Variants in CHSY1 observed in about 807,000 individuals in gnomAD.
The protein encoded by CHSY1 is chondroitin sulfate synthase 1.
In CHSY1, 13 loss-of-function variants were observed where a neutral mutation model predicts 59.8. The observed-to-expected ratio is 0.22, with a 90% CI of 0.14 to 0.35. The LOEUF is 0.35. Ranked by LOEUF, CHSY1 falls within the 10% of genes least tolerant of loss-of-function variation. CHSY1 has a pLI of 1.00. For synonymous variants in CHSY1, 459 were observed against 401.2 expected (o/e 1.14, Z -1.72); for missense variants, 947 against 1,030.6 (o/e 0.92, Z 1.11).
At chr15:101,210,569 G>T (rs917443721) in intron 2 of CHSY1, among the ~76,000 whole-genome samples, 5 of 152,166 alleles carry the variant, frequency 3.3e-5, no homozygotes, top group African/African-American at 1.2e-4. Context: ...CTGCGAAATG[G>T]AGGAAAGTGG....
chr15:101,211,310 C>T (rs1416620619), intron 2 of CHSY1, among the ~76,000 whole-genome samples: 5 of 152,066 alleles, frequency 3.3e-5, no homozygotes, highest in Admixed American at 2.6e-4. Flanking sequence ...TGCGAAAGAG[C>T]GAGACTTAGT....
intron 1 of CHSY1, among the ~76,000 whole-genome samples, chr15:101,237,980 G>A (rs1350509139): frequency 2.0e-5 from 3 of 152,224 alleles, no homozygotes; most frequent in Non-Finnish European, 4.4e-5. Context: ...AAAGTCTTAG[G>A]AGAGAAATAT....
At chr15:101,237,234 A>C (rs2038953847) in intron 1 of CHSY1, among the ~76,000 whole-genome samples, 2 of 151,130 alleles carry the variant, frequency 1.3e-5, no homozygotes, top group Admixed American at 1.3e-4. Flanking sequence ...AAAAAAAAAA[A>C]AAAAAAAAAA....
chr15:101,233,322 G>A (rs114633129), intron 2 of CHSY1, among the ~76,000 whole-genome samples: 235 of 152,196 alleles, frequency 1.5e-3, no homozygotes, highest in Middle Eastern at 0.01. Flanking sequence ...ATAACAGCAC[G>A]ACCTAACTAA....
At chr15:101,204,806 G>A (rs1223764834) in intron 2 of CHSY1, among the ~76,000 whole-genome samples, 1 of 152,110 alleles carries the variant, frequency 6.6e-6, no homozygotes, top group Non-Finnish European at 1.5e-5. Context: ...TCAGGAGGCT[G>A]AGGCACAAGA....
At chr15:101,188,907 T>C (rs1158546395) in intron 2 of CHSY1, among the ~76,000 whole-genome samples, 1 of 152,032 alleles carries the variant, frequency 6.6e-6, no homozygotes, top group Non-Finnish European at 1.5e-5. Flanking sequence ...AAACATCTGA[T>C]CTGGGGCAAT....
chr15:101,181,293 T>C (rs146639371), intron 2 of CHSY1, among the ~76,000 whole-genome samples: 2 of 152,348 alleles, frequency 1.3e-5, no homozygotes, highest in East Asian at 3.9e-4. Context: ...TGCTGTGAGA[T>C]AAAAAGCTAG....
intron 2 of CHSY1, among the ~76,000 whole-genome samples, chr15:101,187,184 T>C (rs1281883203): frequency 1.3e-5 from 2 of 152,212 alleles, no homozygotes; most frequent in South Asian, 2.1e-4. Flanking sequence ...ATTTTTGTTA[T>C]AAAGAATATT....
rs1278661526 is a variant in CHSY1, at chr15:101,251,435, C to G, written c.22G>C (p.Ala8Pro). The G allele has an allele frequency of 5.2e-5, 56 of 1,074,500 alleles. No individual in the cohort carries two copies. Among genetic ancestry groups the G allele is most frequent in the Non-Finnish European group, 6.3e-5 (55 of 878,260 alleles). 66.6% of individuals were successfully genotyped at this position (1,074,500 alleles called of 1,614,324 possible). A position where few individuals can be genotyped will look rare whatever the true frequency, so the allele number is the denominator to read the frequency against. The change falls in exon 1 of 3, where the codon GCC becomes CCC. Residue 8 changes from alanine (A) to proline (P), a missense_variant. By Grantham distance (27) the Ala-to-Pro change is conservative. This residue lies in a region of CHSY1 where 232 missense variants were observed against 188.5 expected (regional missense o/e 1.23). Coordinates refer to ENST00000254190, the MANE Select transcript of CHSY1 (RefSeq NM_014918.5). The part of the protein sequence containing the change: MAARGRR[A>P]WLSVLLGLVL... ...AGCCCGAGCAGCACGCTGAGCCAGG[C>G]GCGCCGGCCGCGCGCGGCCATGCCC...
intron 2 of CHSY1, among the ~76,000 whole-genome samples, chr15:101,213,222 A>G (rs1201650442): frequency 6.6e-6 from 1 of 152,184 alleles, no homozygotes; most frequent in African/African-American, 2.4e-5. Context: ...TCTTGTAGGA[A>G]ACACACACAC....
intron 1 of CHSY1, among the ~76,000 whole-genome samples, chr15:101,247,246 G>A (rs989108842): frequency 1.1e-4 from 16 of 151,882 alleles, no homozygotes; most frequent in African/African-American, 2.7e-4. Context: ...TTTCCAAGCC[G>A]GTCCCTGCCT....
chr15:101,240,204 A>C (rs2038988632), intron 1 of CHSY1, among the ~76,000 whole-genome samples: 1 of 152,200 alleles, frequency 6.6e-6, no homozygotes, highest in African/African-American at 2.4e-5. Context: ...AATCTTTTCA[A>C]TTAGGGTCCT....
chr15:101,187,208 G>C (rs1053405550), intron 2 of CHSY1, among the ~76,000 whole-genome samples: 1 of 152,248 alleles, frequency 6.6e-6, no homozygotes, highest in African/African-American at 2.4e-5. Context: ...GGCCGGGCCA[G>C]TGGCTCACGC....
chr15:101,177,632 T>G lies in CHSY1; in HGVS notation c.2165A>C (p.Asp722Ala). 1 of 1,614,094 alleles carries G rather than the reference T, an allele frequency of 6.2e-7. No individual in the cohort carries two copies. The highest frequency in any genetic ancestry group is 1.3e-5 in the African/African-American group (1 of 74,992). ...TGCCTGGACAACCTTGTTGAAAAGG[T>G]CCACATCCTCCAGCCCCCAGCCTTG... The part of the protein sequence containing the change: ...SIQGWGLEDV[D>A]LFNKVVQAGL... The change falls in exon 3 of 3, where the codon GAC (aspartate) becomes GCC (alanine). Residue 722 changes from aspartate (D) to alanine (A), a missense_variant. Physicochemically the swap from Asp to Ala is moderately radical, Grantham distance 126. Around this residue, in one of 4 missense-constraint regions of CHSY1, gnomAD observed 602 missense variants for 676.9 expected, o/e 0.89. Transcript: ENST00000254190.
intron 2 of CHSY1, among the ~76,000 whole-genome samples, chr15:101,191,200 T>C (rs1351128309): frequency 6.6e-6 from 1 of 152,196 alleles, no homozygotes; most frequent in African/African-American, 2.4e-5. Context: ...GAATAAACTG[T>C]GGCACATTCA....
At chr15:101,203,898 C>A (rs2038598482) in intron 2 of CHSY1, among the ~76,000 whole-genome samples, 1 of 152,162 alleles carries the variant, frequency 6.6e-6, no homozygotes, top group African/African-American at 2.4e-5. Flanking sequence ...CTGCATGTGA[C>A]CCTAGACTAC....
rs1169217787 is a variant in CHSY1, at chr15:101,235,350, T to C, written c.548A>G (p.Asn183Ser). 6 of 1,614,214 alleles carry C rather than the reference T, an allele frequency of 3.7e-6. No individual in the cohort carries two copies. Among genetic ancestry groups the C allele is most frequent in the Non-Finnish European group, 5.1e-6 (6 of 1,180,034 alleles). ...DVYIKGDRLE[N>S]FLRSLNSSEP... ...GCTGCTGTTCAAACTCCTCAGGAAG[T>C]TCTCCAGACGGTCTCCTTTGATGTA... The change falls in exon 2 of 3, where the codon AAC becomes AGC. Residue 183 changes from asparagine (N) to serine (S), a missense_variant. By Grantham distance (46) the Asn-to-Ser change is conservative. Around this residue, in one of 4 missense-constraint regions of CHSY1, gnomAD observed 108 missense variants for 144.4 expected, o/e 0.75. Coordinates refer to ENST00000254190, the MANE Select transcript of CHSY1 (RefSeq NM_014918.5).
intron 2 of CHSY1, among the ~76,000 whole-genome samples, chr15:101,184,558 C>T (rs138402959): frequency 0.016 from 2,500 of 152,032 alleles, 33 homozygotes; most frequent in East Asian, 0.076. Flanking sequence ...CCAGGTTGCC[C>T]AGGCTGGTCT....
intron 2 of CHSY1, among the ~76,000 whole-genome samples, chr15:101,224,345 G>T (rs2038818418): frequency 6.6e-6 from 1 of 152,198 alleles, no homozygotes; most frequent in South Asian, 2.1e-4. Context: ...GGGGGCATTT[G>T]TGTGCCAAGT....
Sources: allele counts gnomAD v4.1 joint callset (sites outside exome capture counted in the v4.1 genomes callset), GRCh38; gene constraint gnomAD v4.1.1; regional missense constraint gnomAD v4.1.1; transcripts MANE v1.5; gene names NCBI Gene and HGNC (gene_info 2026-07-23, HGNC 2026-07-21).